DUXA: variants seen among roughly 807,000 people sequenced by gnomAD.
DUXA encodes double homeobox A.
A neutral mutation model predicts 27.5 loss-of-function variants in DUXA; 25 were observed. That is an observed-to-expected ratio of 0.91 (90% CI 0.66 to 1.27). DUXA has a LOEUF of 1.27. DUXA is among the 50% of genes most tolerant of loss of function. The pLI is 0.00. For synonymous variants in DUXA, 90 were observed against 80.5 expected (o/e 1.12, Z -0.63); for missense variants, 247 against 242.9 (o/e 1.02, Z -0.11).
intron 1 of DUXA, among the ~76,000 whole-genome samples, chr19:57,162,738 C>T (rs1402230112): frequency 6.6e-6 from 1 of 152,054 alleles, no homozygotes; most frequent in East Asian, 1.9e-4. Flanking sequence ...CCACGCCTGG[C>T]TAATTTTTTG....
intron 1 of DUXA, among the ~76,000 whole-genome samples, chr19:57,165,324 A>AAATATATAT (rs1491567041): frequency 1.1e-5 from 1 of 89,266 alleles, no homozygotes; most frequent in African/African-American, 4.1e-5. Context: ...AAAAAAAAAA[A>AAATATATAT]ATATATATAT....
rs145101590 is a variant in DUXA at position 57,158,453 on chromosome 19, G to A, written c.313C>T (p.Arg105Cys). The stretch of plus-strand genomic sequence containing the variant: ...AACTGAGAGGCGCTGTAGGTGGTAC[G>A]ACACCGTCTGGCTTCTCTACCTAGG... ...EFQSREARRCRTTYSASQLHT... is the reference protein window; with the variant it reads ...EFQSREARRCCTTYSASQLHT... Residue 105 changes from arginine (R) to cysteine (C), a missense_variant, in exon 4 of 6, where the codon CGT (arginine) becomes TGT (cysteine). Transcript: ENST00000554048. 6.1e-5 allele frequency: 99 copies of A among 1,613,570 alleles called. No homozygotes were observed. Among genetic ancestry groups the A allele is most frequent in the African/African-American group, 3.3e-4 (25 of 74,918 alleles).
Position 57,159,246 on chromosome 19 carries a change from T to C in DUXA, c.213A>G (p.Gly71=), listed in dbSNP as rs1355230038. 3.7e-6 allele frequency: 6 copies of C among 1,614,144 alleles called. No homozygotes were observed. Among genetic ancestry groups the C allele is most frequent in the South Asian group, 1.1e-5 (1 of 91,074 alleles). The part of the protein sequence containing the change: ...IWFQNRRARH[G]FQKRPEAETL... ...TCTCAGCTTCTGGTCTTTTCTGGAATCCGTGCCTAGCTCTTCGATTCTGAA... is the reference window on the plus strand; with the variant it reads ...TCTCAGCTTCTGGTCTTTTCTGGAACCCGTGCCTAGCTCTTCGATTCTGAA... The change falls in exon 3 of 6, where the codon GGA becomes GGG. Residue 71 remains glycine (G), a synonymous_variant. Transcript: ENST00000554048.
intron 4 of DUXA, among the ~76,000 whole-genome samples, chr19:57,156,726 G>A (rs1473978273): frequency 2.0e-5 from 3 of 152,098 alleles, no homozygotes; most frequent in Admixed American, 6.6e-5. Context: ...TTGCAGTGGC[G>A]TGATCTCGGC....
At chr19:57,158,761 G>A (rs936128374) in intron 3 of DUXA, among the ~76,000 whole-genome samples, 8 of 152,166 alleles carry the variant, frequency 5.3e-5, no homozygotes, top group Non-Finnish European at 2.9e-5. Context: ...AGAGGGGGCA[G>A]ATCACAAGGT....
At chr19:57,161,509 G>A (rs1360954223) in intron 1 of DUXA, among the ~76,000 whole-genome samples, 5 of 147,898 alleles carry the variant, frequency 3.4e-5, no homozygotes, top group Admixed American at 1.3e-4. Context: ...TGTAGTCCCA[G>A]CTACTCCGGA....
intron 1 of DUXA, among the ~76,000 whole-genome samples, chr19:57,164,178 A>G (rs2087039034): frequency 6.6e-6 from 1 of 152,240 alleles, no homozygotes; most frequent in African/African-American, 2.4e-5. Context: ...ACTGAATTCA[A>G]CAGTAAAAAG....
chr19:57,158,984 A>G (rs2087006648), intron 3 of DUXA, among the ~76,000 whole-genome samples, 183 bp downstream of exon 3: 2 of 152,110 alleles, frequency 1.3e-5, no homozygotes, highest in Non-Finnish European at 2.9e-5. Context: ...ACTCCATCTC[A>G]ATAAATAAAT....
chr19:57,165,347 A>G (rs1040485930), intron 1 of DUXA, among the ~76,000 whole-genome samples: 4 of 142,636 alleles, frequency 2.8e-5, no homozygotes, highest in Admixed American at 7.1e-5. Flanking sequence ...ATATATATGT[A>G]TATATATATA....
intron 1 of DUXA, among the ~76,000 whole-genome samples, chr19:57,165,324 A>ATATATATATATATATATATATATATATAT (rs1555759590): frequency 2.2e-4 from 20 of 89,226 alleles, no homozygotes; most frequent in South Asian, 7.6e-4. Flanking sequence ...AAAAAAAAAA[A>ATATATATATATATATATATATATATATAT]ATATATATAT....
chr19:57,158,977 C>A (rs2087006594), intron 3 of DUXA, among the ~76,000 whole-genome samples, 190 bp downstream of exon 3: 1 of 152,026 alleles, frequency 6.6e-6, no homozygotes, highest in Non-Finnish European at 1.5e-5. Flanking sequence ...GAGTGAGACT[C>A]CATCTCAATA....
chr19:57,161,918 C>A (rs1443144288), intron 1 of DUXA, among the ~76,000 whole-genome samples: 1 of 152,082 alleles, frequency 6.6e-6, no homozygotes, highest in Middle Eastern at 3.4e-3. Context: ...CAGGCAGGAT[C>A]TCACTCTGTT....
chr19:57,163,604 T>C (rs2087035825), intron 1 of DUXA, among the ~76,000 whole-genome samples: 2 of 152,096 alleles, frequency 1.3e-5, no homozygotes, highest in Non-Finnish European at 2.9e-5. Flanking sequence ...CCACCATGCC[T>C]GGCTAATTTT....
At chr19:57,158,534 C>T in intron 3 of DUXA, 61 bp from the exon 4 acceptor site, 3 of 1,578,390 alleles carry the variant, frequency 1.9e-6, no homozygotes, top group Non-Finnish European at 2.6e-6. Context: ...GGTCCATTCA[C>T]ATATTCAAAC....
chr19:57,167,297 C>A, intron 1 of DUXA, 122 bp downstream of exon 1: 3 of 1,250,154 alleles, frequency 2.4e-6, no homozygotes, highest in South Asian at 1.3e-5. Flanking sequence ...CGGTTTTCCC[C>A]TATCCAGATA....
In DUXA at chr19:57,156,131, C is replaced by T. The variant is rs1366024948; in HGVS notation, c.439-759G>A. On this transcript the variant is annotated intron_variant, in intron 4 of 5. Coordinates refer to ENST00000554048, the MANE Select transcript of DUXA (RefSeq NM_001012729.2). ...ACCGGTGTTTCTCTAAAGTGACATG[C>T]TACATTGCAGCTCTTCCTTCTGCCT... Among the ~76,000 whole-genome samples, 3 of 152,296 alleles carry T rather than the reference C, an allele frequency of 2.0e-5. No homozygotes were observed. The East Asian group carries it at 5.8e-4, about 29-fold the overall frequency.
At chr19:57,159,022 G>T (rs950214331) in intron 3 of DUXA, 145 bp downstream of exon 3, 2 of 628,756 alleles carry the variant, frequency 3.2e-6, no homozygotes, top group Admixed American at 3.2e-5. Flanking sequence ...GGGCAGGGGA[G>T]AACTTCTAGG....
chr19:57,157,354 C>T (rs561116810), intron 4 of DUXA, among the ~76,000 whole-genome samples: 134 of 151,716 alleles, frequency 8.8e-4, no homozygotes, highest in East Asian at 1.8e-3. Flanking sequence ...TTTTTCAAGA[C>T]GGAGTCTTGC....
chr19:57,154,995 G>A (rs543682701), intron 5 of DUXA, among the ~76,000 whole-genome samples: 16 of 152,210 alleles, frequency 1.1e-4, no homozygotes, highest in South Asian at 2.1e-4. Context: ...TGTATTGAGC[G>A]TTTCCTTTGT....
Sources: gnomAD v4.1 joint callset for allele counts (sites outside exome capture counted in the v4.1 genomes callset) on GRCh38, gnomAD v4.1.1 for gene constraint, MANE v1.5 for transcripts, NCBI Gene and HGNC (gene_info 2026-07-23, HGNC 2026-07-21) for gene names.